The following CYP4F8 variants were observed in gnomAD, a reference collection of about 807,000 sequenced individuals.
The protein encoded by CYP4F8 is cytochrome P450 4F8.
In CYP4F8, 56 loss-of-function variants were observed where a neutral mutation model predicts 55.0. The ratio of observed to expected loss-of-function variants is 1.02; its 90% confidence interval spans 0.82 to 1.27. The LOEUF (loss-of-function observed/expected upper bound fraction) is 1.27, where lower values mean the gene tolerates loss of function less well. CYP4F8 is among the 50% of genes most tolerant of loss of function. CYP4F8 has a pLI of 0.00. For synonymous variants in CYP4F8, 288 were observed against 267.3 expected, an observed-to-expected ratio of 1.08 and a Z score of -0.76; for missense variants, 680 against 682.4, an observed-to-expected ratio of 1.00 and a Z score of 0.04.
In CYP4F8 at chr19:15,630,223, A is replaced by G. The variant is rs1486706057; in HGVS notation, c.*865A>G. ...ACATGCAAATTTATTACAAAGGTAT[A>G]TTGCATCATGCTGAGGTTTGGAGTA... On this transcript the variant is annotated 3_prime_UTR_variant, in exon 13 of 13. Coordinates refer to ENST00000612078, the MANE Select transcript of CYP4F8 (RefSeq NM_007253.4). 1.3e-5 allele frequency: 2 copies of G among 152,130 alleles called. No individual in the cohort carries two copies. The highest frequency in any genetic ancestry group is 4.8e-5 in the African/African-American group (2 of 41,402). 9.4% of individuals were successfully genotyped at this position (152,130 alleles called of 1,614,324 possible).
chr19:15,624,685 C>T (rs941123193), intron 9 of CYP4F8, among the ~76,000 whole-genome samples: 3 of 152,076 alleles, frequency 2.0e-5, no homozygotes, highest in Non-Finnish European at 4.4e-5. Context: ...TTGAGAATAC[C>T]AAATTTCCTC....
chr19:15,622,859 C>A, intron 6 of CYP4F8: 1 of 550,682 alleles, frequency 1.8e-6, no homozygotes, highest in Non-Finnish European at 3.2e-6. Flanking sequence ...TTGGGAGAAA[C>A]TGAGTAATAA....
In CYP4F8 at chr19:15,623,482, G is replaced by T. The variant is rs962380423; in HGVS notation, c.918+107G>T. The T allele has an allele frequency of 8.6e-6, 13 of 1,507,400 alleles. No individual in the cohort carries two copies. The African/African-American group carries it at 1.5e-4, about 17-fold the overall frequency. The allele number at this position is 1,507,400 out of a possible 1,614,324, so 93.4% of individuals were successfully genotyped here. On this transcript the variant is annotated intron_variant, in intron 7 of 12. Transcript: ENST00000612078. ...AGAGGGCACTAAGGAGCCATGGAAG[G>T]TGCTCGAAGAAGGGAGGGACAAGTC...
In CYP4F8 at chr19:15,624,007, AC is replaced by A. The variant is rs1354531833; in HGVS notation, c.1030del (p.Leu344SerfsTer19). On this transcript the variant is annotated frameshift_variant, in exon 9 of 13. Coordinates refer to ENST00000612078, the MANE Select transcript of CYP4F8 (RefSeq NM_007253.4). LOFTEE classifies it high-confidence loss of function. ...AGTGGCCTCTCCTGGGTCTTGTACA[AC>A]CTCGCGAGGCACCCAGAATACCAAG... ...TASGLSWVLY[N>X]LARHPEYQER... is the part of the protein sequence containing the mutation. 6.2e-7 allele frequency: 1 copy of A among 1,614,046 alleles called. No individual in the cohort carries two copies. Among genetic ancestry groups the A allele is most frequent in the East Asian group, 2.2e-5 (1 of 44,866 alleles).
chr19:15,629,393 A>T lies in CYP4F8; in HGVS notation c.*35A>T. 6.4e-7 allele frequency: 1 copy of T among 1,565,370 alleles called. No homozygotes were observed. Among genetic ancestry groups the T allele is most frequent in the Non-Finnish European group, 8.7e-7 (1 of 1,155,670 alleles). On this transcript the variant is annotated 3_prime_UTR_variant, in exon 13 of 13. Coordinates refer to ENST00000612078, the MANE Select transcript of CYP4F8 (RefSeq NM_007253.4). Reference sequence around the variant, plus strand: ...TGACCCACCCACCTACCTTTGCATCACCTACCTTTGCACCAACTACCTTTT... The same window carrying T: ...TGACCCACCCACCTACCTTTGCATCTCCTACCTTTGCACCAACTACCTTTT...
Position 15,622,305 on chromosome 19 carries a change from G to T in CYP4F8, c.612G>T (p.Gln204His). ...GCCTTATGACCCTGGACAGTCTGCA[G>T]AAATGCATCTTCAGCTTTGACAGCA... Reference protein sequence around the residue: ...HISLMTLDSLQKCIFSFDSNC... With the variant: ...HISLMTLDSLHKCIFSFDSNC... The change falls in exon 6 of 13, where the codon CAG becomes CAT. Residue 204 changes from glutamine to histidine, a missense_variant. By Grantham distance (24) the Gln-to-His change is conservative (BLOSUM62 0). Coordinates refer to ENST00000612078, the MANE Select transcript of CYP4F8 (RefSeq NM_007253.4). 1 of 1,580,562 alleles carries T rather than the reference G, an allele frequency of 6.3e-7. No homozygotes were observed. Among genetic ancestry groups the T allele is most frequent in the Non-Finnish European group, 8.6e-7 (1 of 1,159,744 alleles).
Position 15,622,347 on chromosome 19 carries a change from T to C in CYP4F8, c.647+7T>C. On this transcript the variant is annotated splice_region_variant and intron_variant, in intron 6 of 12. Coordinates refer to ENST00000612078, the MANE Select transcript of CYP4F8 (RefSeq NM_007253.4). ...TTGACAGCAATTGTCAGGAGTGAGT[T>C]CTTGCCCAGGGCCTGGGAACATGGG... The C allele has an allele frequency of 1.3e-6, 2 of 1,567,454 alleles. No homozygotes were observed. Among genetic ancestry groups the C allele is most frequent in the Non-Finnish European group, 1.7e-6 (2 of 1,153,766 alleles).
intron 9 of CYP4F8, among the ~76,000 whole-genome samples, chr19:15,626,040 A>G (rs1295791425): frequency 6.6e-6 from 1 of 152,208 alleles, no homozygotes; most frequent in East Asian, 1.9e-4. Flanking sequence ...TTTGTGCTAT[A>G]TAAATGTAGC....
Position 15,618,128 on chromosome 19 carries a change from T to G in CYP4F8, c.327T>G (p.Ser109=). The part of the protein sequence containing the change: ...INLCHPDIVR[S]VINTSDAITD... ...TGTGCCACCCTGACATCGTCCGATC[T>G]GTCATCAATACCTCAGGTACTCCTG... The change falls in exon 3 of 13, where the codon TCT becomes TCG. Residue 109 remains serine (S), a synonymous_variant. Transcript: ENST00000612078. 6.2e-7 allele frequency: 1 copy of G among 1,614,110 alleles called. No homozygotes were observed.
rs201221103 is a variant in CYP4F8 at position 15,615,603 on chromosome 19, G to T, written c.-1-13G>T. 2.5e-6 allele frequency: 4 copies of T among 1,612,296 alleles called. No homozygotes were observed. Among genetic ancestry groups the T allele is most frequent in the East Asian group, 4.5e-5 (2 of 44,822 alleles). On this transcript the variant is annotated splice_polypyrimidine_tract_variant and intron_variant, in intron 1 of 12. Transcript: ENST00000612078. The stretch of plus-strand genomic sequence containing the variant: ...GCCTCAGGACCTCACCCTCCATCCC[G>T]TCTGCCCTGCAGGATGTCGCTGCTG...
In CYP4F8 at chr19:15,623,779, T is replaced by G. The variant is rs770154573; in HGVS notation, c.985+14T>G. 6.2e-7 allele frequency: 1 copy of G among 1,613,086 alleles called. No individual in the cohort carries two copies. The highest frequency in any genetic ancestry group is 8.5e-7 in the Non-Finnish European group (1 of 1,179,976). On this transcript the variant is annotated intron_variant, in intron 8 of 12. Transcript: ENST00000612078. Reference sequence around the variant, plus strand: ...TCATGTTTGGAGGTGAGTGTCCCAGTCTGGGGCTACAGTGGGGACAGGGGT... The same window carrying G: ...TCATGTTTGGAGGTGAGTGTCCCAGGCTGGGGCTACAGTGGGGACAGGGGT...
rs1326767541 is a variant in CYP4F8, at chr19:15,623,865, C to G, written c.985+100C>G. On this transcript the variant is annotated intron_variant, in intron 8 of 12. Transcript: ENST00000612078. Reference sequence around the variant, plus strand: ...ATCACTTCATTCTGCCCAACCTCCCCCTCCCCTCAACCTTCCTGAGAGCCT... The same window carrying G: ...ATCACTTCATTCTGCCCAACCTCCCGCTCCCCTCAACCTTCCTGAGAGCCT... The G allele has an allele frequency of 1.8e-5, 28 of 1,595,096 alleles. No individual in the cohort carries two copies. The Admixed American group carries it at 2.2e-4, about 13-fold the overall frequency.
chr19:15,619,570 G>T (rs373761835), intron 4 of CYP4F8, 27 bp downstream of exon 4: 10 of 1,614,026 alleles, frequency 6.2e-6, no homozygotes, highest in Non-Finnish European at 8.5e-6. Context: ...GGACGGGACG[G>T]GGACCAACTT....
intron 6 of CYP4F8, chr19:15,622,826 T>G: frequency 2.0e-6 from 1 of 488,856 alleles, no homozygotes. Flanking sequence ...AGGTCTGAGT[T>G]TGGTGGAGAA....
At chr19:15,623,894 T>C (rs1213626811) in intron 8 of CYP4F8, 71 bp from the exon 9 acceptor site, 2 of 1,599,656 alleles carry the variant, frequency 1.3e-6, no homozygotes, top group Non-Finnish European at 1.7e-6. Flanking sequence ...AGAGCCTCAA[T>C]GTATGGGCGC....
At chr19:15,619,201 C>A in intron 3 of CYP4F8, 1 of 386,484 alleles carries the variant, frequency 2.6e-6, no homozygotes, top group Non-Finnish European at 4.7e-6. Flanking sequence ...AGAGTGTTGA[C>A]TTATGCTTGG....
At chr19:15,628,733 C>T in intron 11 of CYP4F8, 28 bp from the exon 12 acceptor site, 1 of 1,612,736 alleles carries the variant, frequency 6.2e-7, no homozygotes, top group South Asian at 1.1e-5. Context: ...GAGGCCCCAT[C>T]AGCAGCCTTA....
chr19:15,623,278 G>A lies in CYP4F8; in HGVS notation c.821G>A (p.Arg274Gln), dbSNP rs372855480. The change falls in exon 7 of 13, where the codon CGG (arginine) becomes CAG (glutamine). Residue 274 changes from arginine to glutamine, a missense_variant. By Grantham distance (43) the Arg-to-Gln change is conservative. Transcript: ENST00000612078. Reference protein sequence around the residue: ...HDFTDAVIQERRRTLTSQGVD... With the variant: ...HDFTDAVIQEQRRTLTSQGVD... ...TTCACAGATGCCGTCATCCAGGAGC[G>A]GCGCCGCACCCTCACTAGCCAGGGT... 17 of 1,614,030 alleles carry A rather than the reference G, an allele frequency of 1.1e-5. No homozygotes were observed. Among genetic ancestry groups the A allele is most frequent in the Admixed American group, 3.3e-5 (2 of 60,008 alleles).
chr19:15,617,621 G>A (rs1972140914), intron 2 of CYP4F8, among the ~76,000 whole-genome samples: 1 of 152,100 alleles, frequency 6.6e-6, no homozygotes, highest in African/African-American at 2.4e-5. Flanking sequence ...GTTTATGGAA[G>A]CTGAAAAGTC....
Sources: allele counts gnomAD v4.1 joint callset (sites outside exome capture counted in the v4.1 genomes callset), GRCh38; gene constraint gnomAD v4.1.1; transcripts MANE v1.5; gene names NCBI Gene and HGNC (gene_info 2026-07-23, HGNC 2026-07-21).